The following HECW1 variants were observed in gnomAD, a reference collection of about 807,000 sequenced individuals.
HECW1 encodes the protein E3 ubiquitin-protein ligase HECW1.
In HECW1, 61 loss-of-function variants were observed where a neutral mutation model predicts 182.3. The ratio of observed to expected loss-of-function variants is 0.33; its 90% CI spans 0.27 to 0.41. HECW1 has a LOEUF of 0.41. Among genes scored for constraint, HECW1 ranks in the 10% least tolerant of loss-of-function variants. The pLI is 1.00. For missense variants in HECW1, 1,739 were observed against 2,108.9 expected, an observed-to-expected ratio of 0.82 and a Z score of 3.44; for synonymous variants, 859 against 832.6, an observed-to-expected ratio of 1.03 and a Z score of -0.55.
intron 3 of HECW1, among the ~76,000 whole-genome samples, chr7:43,310,045 G>A (rs893744707): frequency 1.3e-5 from 2 of 152,216 alleles, no homozygotes; most frequent in African/African-American, 4.8e-5. Context: ...CAGCTGGGAA[G>A]CTGGTAGATG....
chr7:43,211,968 T>C (rs1020466779), intron 2 of HECW1, among the ~76,000 whole-genome samples: 3 of 152,334 alleles, frequency 2.0e-5, no homozygotes, highest in African/African-American at 7.2e-5. Flanking sequence ...CTGTCTACTA[T>C]GCAAGGAGTT....
At chr7:43,393,060 A>G (rs1205925309) in intron 6 of HECW1, among the ~76,000 whole-genome samples, 3 of 152,208 alleles carry the variant, frequency 2.0e-5, no homozygotes, top group African/African-American at 7.2e-5. Context: ...ACCCTGCAGA[A>G]TCTTCTACAC....
At chr7:43,347,482 G>A (rs2152804094) in intron 5 of HECW1, among the ~76,000 whole-genome samples, 1 of 152,174 alleles carries the variant, frequency 6.6e-6, no homozygotes, top group East Asian at 1.9e-4. Flanking sequence ...GTGACAGTTT[G>A]ACTTCCTCTT....
intron 12 of HECW1, among the ~76,000 whole-genome samples, chr7:43,453,037 C>T (rs2077285658): frequency 6.6e-6 from 1 of 152,192 alleles, no homozygotes; most frequent in Non-Finnish European, 1.5e-5. Flanking sequence ...CCTTGTAAAC[C>T]ATTTAAGGGC....
At chr7:43,304,666 G>A (rs2152765783) in intron 3 of HECW1, among the ~76,000 whole-genome samples, 1 of 152,046 alleles carries the variant, frequency 6.6e-6, no homozygotes, top group East Asian at 1.9e-4. Flanking sequence ...TAATTTTTTT[G>A]TATTTTTAGT....
At chr7:43,207,011 A>C (rs1795536240) in intron 2 of HECW1, among the ~76,000 whole-genome samples, 1 of 152,170 alleles carries the variant, frequency 6.6e-6, no homozygotes, top group Non-Finnish European at 1.5e-5. Context: ...GCTTTGTAAG[A>C]AGGTGCTTTT....
intron 3 of HECW1, among the ~76,000 whole-genome samples, chr7:43,306,848 G>A (rs148629206): frequency 6.6e-6 from 1 of 151,996 alleles, no homozygotes; most frequent in Non-Finnish European, 1.5e-5. Context: ...CTGCTTTTAA[G>A]ATTCTGTTTT....
rs2076259991 is a variant in HECW1 at position 43,423,447 on chromosome 7, G to A, written c.802-14556G>A. Among the ~76,000 whole-genome samples the A allele has an allele frequency of 2.0e-5, 3 of 152,204 alleles. No individual in the cohort carries two copies. In the South Asian group the frequency reaches 6.2e-4, roughly 32 times the overall value. On this transcript the variant is annotated intron_variant, in intron 8 of 29. Transcript: ENST00000395891. ...TGCCTCTTGTTCTACAGTGATGCCT[G>A]AGGCTCATTCACAGAACCTGAGACT...
At chr7:43,262,896 T>C (rs568549580) in intron 3 of HECW1, among the ~76,000 whole-genome samples, 5 of 152,286 alleles carry the variant, frequency 3.3e-5, no homozygotes, top group East Asian at 1.9e-4. Context: ...ATGACACATA[T>C]ATGGCTTGAT....
chr7:43,367,052 G>C (rs1206875090), intron 6 of HECW1, among the ~76,000 whole-genome samples: 1 of 152,176 alleles, frequency 6.6e-6, no homozygotes, highest in Non-Finnish European at 1.5e-5. Context: ...TCCTCAACTC[G>C]TAAGAAAATG....
At chr7:43,422,895 G>GTCGTCACCTGGAGATAAA (rs1414197929) in intron 8 of HECW1, among the ~76,000 whole-genome samples, 2 of 151,212 alleles carry the variant, frequency 1.3e-5, no homozygotes, top group African/African-American at 2.4e-5. Flanking sequence ...CTGGCCGAGA[G>GTCGTCACCTGGAGATAAA]TCGTCACCTG....
At chr7:43,554,921 A>T (rs1651101454) in intron 29 of HECW1, 131 bp downstream of exon 29, 5 of 827,482 alleles carry the variant, frequency 6.0e-6, no homozygotes, top group Middle Eastern at 5.7e-4. Context: ...CATTGGAGTT[A>T]TTAGGGAAAG....
At chr7:43,257,527 G>C (rs898754833) in intron 3 of HECW1, among the ~76,000 whole-genome samples, 26 of 152,116 alleles carry the variant, frequency 1.7e-4, no homozygotes, top group Non-Finnish European at 4.4e-5. Context: ...CACTCTGATG[G>C]AGGGGTAGCA....
At chr7:43,270,033 T>C (rs1370021874) in intron 3 of HECW1, among the ~76,000 whole-genome samples, 1 of 152,236 alleles carries the variant, frequency 6.6e-6, no homozygotes, top group Non-Finnish European at 1.5e-5. Flanking sequence ...ATTAGCATTG[T>C]TGTAAGCCCT....
At chr7:43,340,410 G>A (rs1159139552) in intron 5 of HECW1, among the ~76,000 whole-genome samples, 5 of 150,838 alleles carry the variant, frequency 3.3e-5, no homozygotes, top group South Asian at 2.1e-4. Context: ...TAGTAGAGAC[G>A]GGGGTTCACC....
chr7:43,367,250 T>C (rs1390997228), intron 6 of HECW1, among the ~76,000 whole-genome samples: 1 of 152,242 alleles, frequency 6.6e-6, no homozygotes, highest in East Asian at 1.9e-4. Context: ...TTGTGAATTG[T>C]TTTCCTGTTG....
chr7:43,113,407 G>A (rs1027089305), intron 1 of HECW1, among the ~76,000 whole-genome samples: 23 of 151,968 alleles, frequency 1.5e-4, no homozygotes, highest in African/African-American at 5.5e-4. Context: ...TGCAATGCCC[G>A]TGGTTAGCCC....
intron 2 of HECW1, among the ~76,000 whole-genome samples, chr7:43,125,444 A>T (rs943561458): frequency 5.3e-5 from 8 of 152,106 alleles, no homozygotes; most frequent in Admixed American, 5.2e-4. Flanking sequence ...ATTTTCTATT[A>T]CTCAGACTTA....
In HECW1 at chr7:43,468,001, A is replaced by T. The variant is rs2077857295; in HGVS notation, c.2914-919A>T. Among the ~76,000 whole-genome samples, 3 of 152,038 alleles carry T rather than the reference A, an allele frequency of 2.0e-5. No individual in the cohort carries two copies. In the South Asian group the frequency reaches 6.2e-4, roughly 31 times the overall value. On this transcript the variant is annotated intron_variant, in intron 15 of 29. Coordinates refer to ENST00000395891, the MANE Select transcript of HECW1 (RefSeq NM_015052.5). ...GGGAGAACGCGCATGGCACATGGCCATGCCCCAGCCCTGGGTGCAGGTGGC... is the reference window on the plus strand; with the variant it reads ...GGGAGAACGCGCATGGCACATGGCCTTGCCCCAGCCCTGGGTGCAGGTGGC...
Sources: allele counts gnomAD v4.1 joint callset (sites outside exome capture counted in the v4.1 genomes callset), GRCh38; gene constraint gnomAD v4.1.1; transcripts MANE v1.5; gene names NCBI Gene and HGNC (gene_info 2026-07-23, HGNC 2026-07-21).